Variants in LAMA2 observed in about 807,000 individuals in gnomAD.
LAMA2 encodes laminin subunit alpha-2.
A neutral mutation model predicts 364.8 loss-of-function variants in LAMA2; 269 were observed. The ratio of observed to expected loss-of-function variants is 0.74; its 90% CI spans 0.67 to 0.82. The LOEUF (loss-of-function observed/expected upper bound fraction) is 0.82, where lower values mean the gene tolerates loss of function less well. Ranked by LOEUF, LAMA2 falls within the 40% of genes least tolerant of loss-of-function variation. LAMA2 has a pLI of 0.00. For missense variants in LAMA2, 3,807 were observed against 3,873.2 expected, an observed-to-expected ratio of 0.98 and a Z score of 0.45; for synonymous variants, 1,379 against 1,370.6, an observed-to-expected ratio of 1.01 and a Z score of -0.14.
chr6:129,431,747 TATGAA>T (rs1284885255), intron 41 of LAMA2, among the ~76,000 whole-genome samples: 5 of 152,176 alleles, frequency 3.3e-5, no homozygotes, highest in Admixed American at 3.3e-4. Context: ...CAGAGAACAG[TATGAA>T]ACATTATTCC....
intron 1 of LAMA2, chr6:128,929,816 TAGA>T (rs1210000771): frequency 9.5e-7 from 1 of 1,052,812 alleles, no homozygotes; most frequent in Admixed American, 1.7e-5. Context: ...AGAGTCTTGG[TAGA>T]AGATACGCAG....
In LAMA2 at chr6:129,015,753, G is replaced by A. The variant is rs139885599; in HGVS notation, c.113-34165G>A. Among the ~76,000 whole-genome samples the A allele has an allele frequency of 8.3e-3, 1,261 of 152,082 alleles. 27 individuals carry two copies. The highest frequency in any genetic ancestry group is 0.029 in the African/African-American group (1,188 of 41,500). On this transcript the variant is annotated intron_variant, in intron 1 of 64. Coordinates refer to ENST00000421865, the MANE Select transcript of LAMA2 (RefSeq NM_000426.4). ...CACATAAAATACAGCTTTTTAATCT[G>A]TGAGATTGTTTATGCATCTTAGGTT...
At chr6:128,942,593 G>A (rs1028362997) in intron 1 of LAMA2, among the ~76,000 whole-genome samples, 3 of 151,992 alleles carry the variant, frequency 2.0e-5, no homozygotes, top group Non-Finnish European at 4.4e-5. Context: ...AAACATTTTT[G>A]TTGTTGTTGT....
At chr6:129,324,006 C>A (rs1387628816) in intron 28 of LAMA2, among the ~76,000 whole-genome samples, 1 of 152,148 alleles carries the variant, frequency 6.6e-6, no homozygotes, top group African/African-American at 2.4e-5. Flanking sequence ...GCCCAAAAGG[C>A]AAAATGTGAA....
chr6:129,225,979 G>T (rs1398550274), intron 12 of LAMA2, among the ~76,000 whole-genome samples: 5 of 152,222 alleles, frequency 3.3e-5, no homozygotes, highest in East Asian at 3.9e-4. Flanking sequence ...AAGTCTCTTT[G>T]TAGGTCTCTA....
chr6:129,444,185 AAG>A (rs1246462920), intron 44 of LAMA2, among the ~76,000 whole-genome samples: 4 of 152,204 alleles, frequency 2.6e-5, no homozygotes, highest in African/African-American at 4.8e-5. Context: ...ATAGAGGAAA[AAG>A]AGGGGAGAAG....
intron 2 of LAMA2, among the ~76,000 whole-genome samples, chr6:129,058,097 G>A (rs11967708): frequency 0.023 from 3,494 of 152,270 alleles, 133 homozygotes; most frequent in African/African-American, 0.08. Flanking sequence ...TGCCCTTACT[G>A]CAGCCTTGGG....
At chr6:128,921,713 T>TTAA (rs1328311348) in intron 1 of LAMA2, among the ~76,000 whole-genome samples, 6 of 144,834 alleles carry the variant, frequency 4.1e-5, no homozygotes, top group African/African-American at 1.5e-4. Context: ...TTTTTTTTTT[T>TTAA]ATTATTATTA....
chr6:129,307,393 A>G (rs867152000), intron 22 of LAMA2, among the ~76,000 whole-genome samples: 23 of 152,176 alleles, frequency 1.5e-4, no homozygotes, highest in African/African-American at 5.6e-4. Context: ...GCTTCTGCAC[A>G]TCTCTGGAAT....
intron 1 of LAMA2, among the ~76,000 whole-genome samples, chr6:128,990,647 G>A (rs1783553690): frequency 1.3e-5 from 2 of 152,010 alleles, no homozygotes; most frequent in Non-Finnish European, 2.9e-5. Flanking sequence ...GGACTATTTT[G>A]TATTATTATT....
At chr6:129,449,048 CAG>C (rs1389051318) in intron 45 of LAMA2, among the ~76,000 whole-genome samples, 2 of 152,104 alleles carry the variant, frequency 1.3e-5, no homozygotes, top group Admixed American at 6.5e-5. Flanking sequence ...AAAATCAAAA[CAG>C]AAAGTATTCA....
chr6:129,006,040 AAAC>A (rs779169945), intron 1 of LAMA2, among the ~76,000 whole-genome samples: 17 of 152,042 alleles, frequency 1.1e-4, no homozygotes, highest in African/African-American at 3.1e-4. Flanking sequence ...ATTTTTCGCT[AAAC>A]AACAACAAGA....
chr6:128,989,728 G>C (rs1331156381), intron 1 of LAMA2, among the ~76,000 whole-genome samples: 2 of 152,126 alleles, frequency 1.3e-5, no homozygotes, highest in African/African-American at 4.8e-5. Context: ...ATAAATATTG[G>C]GTTAGTTTAT....
intron 40 of LAMA2, 76 bp from the exon 41 acceptor site, chr6:129,427,676 A>G (rs760181423): frequency 6.9e-5 from 71 of 1,032,664 alleles, no homozygotes; most frequent in Non-Finnish European, 1.0e-4. Flanking sequence ...AACTCTGTGT[A>G]CCAACTGCCT....
At chr6:129,481,475 A>G in intron 55 of LAMA2, 36 bp downstream of exon 55, 1 of 1,534,628 alleles carries the variant, frequency 6.5e-7, no homozygotes, top group Admixed American at 1.7e-5. Context: ...CATTTTCCCT[A>G]ATGCTTATAT....
intron 51 of LAMA2, 95 bp from the exon 52 acceptor site, chr6:129,473,119 C>T (rs1290055262): frequency 9.6e-6 from 9 of 934,676 alleles, no homozygotes; most frequent in South Asian, 4.4e-5. Flanking sequence ...TGTTAATTCT[C>T]GAATTAAACC....
chr6:129,101,089 A>C (rs796496070), intron 4 of LAMA2, among the ~76,000 whole-genome samples: 12 of 152,254 alleles, frequency 7.9e-5, no homozygotes, highest in African/African-American at 2.9e-4. Flanking sequence ...TCAAAACTTT[A>C]CAGAGAAGTG....
At chr6:129,093,233 C>T (rs1774955730) in intron 3 of LAMA2, among the ~76,000 whole-genome samples, 1 of 151,798 alleles carries the variant, frequency 6.6e-6, no homozygotes, top group African/African-American at 2.4e-5. Context: ...TCGTGATCCG[C>T]CTGCCCCAGC....
intron 1 of LAMA2, among the ~76,000 whole-genome samples, chr6:128,916,348 T>G (rs1405408760): frequency 6.6e-6 from 1 of 152,234 alleles, no homozygotes; most frequent in Non-Finnish European, 1.5e-5. Context: ...GTTGGGTTGG[T>G]AGGCACTCCA....
Sources: allele counts gnomAD v4.1 joint callset (sites outside exome capture counted in the v4.1 genomes callset), GRCh38; gene constraint gnomAD v4.1.1; transcripts MANE v1.5; gene names NCBI Gene and HGNC (gene_info 2026-07-23, HGNC 2026-07-21).